Variants in TBL1XR1 observed in about 807,000 individuals in gnomAD.
TBL1XR1 encodes TBL1X/Y related 1.
Under a neutral mutation model 66.9 loss-of-function variants are expected in TBL1XR1, and 5 were observed. The ratio of observed to expected loss-of-function variants is 0.07; its 90% CI spans 0.04 to 0.16. The LOEUF is 0.16. TBL1XR1 is among the 10% of genes least tolerant of loss of function. The pLI, the probability that TBL1XR1 is intolerant of heterozygous loss-of-function variation, is 1.00. For missense variants in TBL1XR1, 238 were observed against 623.2 expected (o/e 0.38, Z 6.58); for synonymous variants, 210 against 206.0 (o/e 1.02, Z -0.17).
intron 2 of TBL1XR1, 133 bp from the exon 3 acceptor site, chr3:177,065,155 T>A: frequency 2.0e-6 from 1 of 499,056 alleles, no homozygotes; most frequent in Non-Finnish European, 3.3e-6. Context: ...TAATAAAACC[T>A]GACAAAGTTG....
Position 177,025,320 on chromosome 3 carries a change from C to T in TBL1XR1, c.*178G>A, listed in dbSNP as rs2108373479. 1 of 485,156 alleles carries T rather than the reference C, an allele frequency of 2.1e-6. No homozygotes were observed. The highest frequency in any genetic ancestry group is 4.0e-5 in the Admixed American group (1 of 25,030). 30.1% of individuals were successfully genotyped at this position (485,156 alleles called of 1,614,324 possible). The stretch of plus-strand genomic sequence containing the variant: ...ACAGAATTCACAAGCTGTGACAAAA[C>T]TCTGTCATCTTCAGGGTGCAATTTT... On this transcript the variant is annotated 3_prime_UTR_variant, in exon 16 of 16. Transcript: ENST00000457928.
At chr3:177,166,281 C>T (rs756259515) in intron 1 of TBL1XR1, among the ~76,000 whole-genome samples, 5 of 152,048 alleles carry the variant, frequency 3.3e-5, no homozygotes, top group African/African-American at 4.8e-5. Flanking sequence ...AGGAAAAATA[C>T]ATTAAAAACT....
At position 177,047,550 on chromosome 3, in the gene TBL1XR1, C is replaced by A; in HGVS notation, c.703-1G>T. The A allele has an allele frequency of 6.2e-7, 1 of 1,612,344 alleles. No individual in the cohort carries two copies. Among genetic ancestry groups the A allele is most frequent in the South Asian group, 1.1e-5 (1 of 90,902 alleles). On this transcript the variant is annotated splice_acceptor_variant, in intron 7 of 15. Coordinates refer to ENST00000457928, the MANE Select transcript of TBL1XR1 (RefSeq NM_024665.7). LOFTEE classifies it high-confidence loss of function. ...CAGTTGCTAGAAGTGTACCTTCACTCTGCCAGAGAAAAACATTTCTTTAAT... is the reference window on the plus strand; with the variant it reads ...CAGTTGCTAGAAGTGTACCTTCACTATGCCAGAGAAAAACATTTCTTTAAT...
At chr3:177,105,806 G>C (rs1424621337) in intron 1 of TBL1XR1, among the ~76,000 whole-genome samples, 1 of 152,096 alleles carries the variant, frequency 6.6e-6, no homozygotes, top group South Asian at 2.1e-4. Flanking sequence ...GTGTGTGCAT[G>C]TGTGTGATTC....
intron 1 of TBL1XR1, among the ~76,000 whole-genome samples, chr3:177,099,799 T>C (rs2108674226): frequency 6.6e-6 from 1 of 152,372 alleles, no homozygotes; most frequent in Non-Finnish European, 1.5e-5. Flanking sequence ...CAGTATAAAG[T>C]TTTTGTCACT....
At position 177,034,281 on chromosome 3, in the gene TBL1XR1, T is replaced by C; in HGVS notation, c.1167A>G (p.Ala389=). ...KQDNCVHDLQ[A]HNKEIYTIKW... ...TGATAGTATAAATTTCTTTATTATG[T>C]GCTTGCAAATCATGGACACAATTGT... The change falls in exon 13 of 16, where the codon GCA becomes GCG. Residue 389 remains alanine, a synonymous_variant. Coordinates refer to ENST00000457928, the MANE Select transcript of TBL1XR1 (RefSeq NM_024665.7). 2 of 1,597,656 alleles carry C rather than the reference T, an allele frequency of 1.3e-6. No individual in the cohort carries two copies. Among genetic ancestry groups the C allele is most frequent in the East Asian group, 4.5e-5 (2 of 44,598 alleles).
chr3:177,062,753 T>C (rs1718679316), intron 3 of TBL1XR1, among the ~76,000 whole-genome samples: 1 of 152,188 alleles, frequency 6.6e-6, no homozygotes, highest in Non-Finnish European at 1.5e-5. Flanking sequence ...CATACAAATT[T>C]TTTTTTAATT....
At chr3:177,071,031 G>GTTTTGTTTTTTTT (rs768177980) in intron 2 of TBL1XR1, among the ~76,000 whole-genome samples, 1 of 104,716 alleles carries the variant, frequency 9.5e-6, no homozygotes, top group African/African-American at 3.9e-5. Flanking sequence ...CTGAGAATCT[G>GTTTTGTTTTTTTT]TTTTTTTTTT....
intron 3 of TBL1XR1, among the ~76,000 whole-genome samples, chr3:177,063,575 A>G (rs1718783108): frequency 6.6e-6 from 1 of 152,238 alleles, no homozygotes; most frequent in South Asian, 2.1e-4. Context: ...ACTTTCAAAC[A>G]CAAGTATTTG....
intron 1 of TBL1XR1, among the ~76,000 whole-genome samples, chr3:177,168,679 T>A: frequency 6.6e-6 from 1 of 152,192 alleles, no homozygotes; most frequent in Admixed American, 6.5e-5. Context: ...ATAATGAACA[T>A]ACTGAACTTT....
rs2862702 is a variant in TBL1XR1 at position 177,184,873 on chromosome 3, T to A, written c.-122+12248A>T. ...AGTCATGAAACAGAAACAACACTTG[T>A]TAATCATACCACTACTCTAATTCTG... On this transcript the variant is annotated intron_variant, in intron 1 of 15. Coordinates refer to ENST00000457928, the MANE Select transcript of TBL1XR1 (RefSeq NM_024665.7). Among the ~76,000 whole-genome samples, 6,012 of 152,124 alleles carry A rather than the reference T, an allele frequency of 0.04. 749 individuals carry two copies. The East Asian group carries it at 0.49, about 12-fold the overall frequency.
intron 1 of TBL1XR1, among the ~76,000 whole-genome samples, chr3:177,135,360 TA>T (rs1728852351): frequency 3.2e-5 from 1 of 31,728 alleles, no homozygotes; most frequent in South Asian, 1.0e-3. Context: ...TATATATATA[TA>T]TATATATATA....
chr3:177,100,058 T>A (rs1216107504), intron 1 of TBL1XR1, among the ~76,000 whole-genome samples: 1 of 152,060 alleles, frequency 6.6e-6, no homozygotes, highest in Non-Finnish European at 1.5e-5. Flanking sequence ...GGCAGCATGG[T>A]GAAATCCCAT....
intron 2 of TBL1XR1, among the ~76,000 whole-genome samples, chr3:177,089,358 C>A (rs971989042): frequency 6.6e-6 from 1 of 152,104 alleles, no homozygotes; most frequent in South Asian, 2.1e-4. Flanking sequence ...CCCTGCCCTC[C>A]GCAAAGCCTA....
At chr3:177,041,563 T>C (rs1287922385) in intron 10 of TBL1XR1, among the ~76,000 whole-genome samples, 1 of 152,198 alleles carries the variant, frequency 6.6e-6, no homozygotes, top group Admixed American at 6.5e-5. Context: ...CTAAATCAAC[T>C]AGTAAACAAA....
At chr3:177,176,086 A>G (rs1734114827) in intron 1 of TBL1XR1, among the ~76,000 whole-genome samples, 1 of 151,144 alleles carries the variant, frequency 6.6e-6, no homozygotes, top group South Asian at 2.1e-4. Context: ...TAATTAAAAT[A>G]AACAAATAAA....
intron 3 of TBL1XR1, among the ~76,000 whole-genome samples, chr3:177,054,976 T>G (rs1717611245): frequency 6.6e-6 from 1 of 152,196 alleles, no homozygotes; most frequent in African/African-American, 2.4e-5. Context: ...TTTACTGAAA[T>G]ATTAATCACC....
At position 177,023,184 on chromosome 3, in the gene TBL1XR1, T is replaced by C. The variant is rs1427648713; in HGVS notation, c.*2314A>G. 7 of 152,474 alleles carry C rather than the reference T, an allele frequency of 4.6e-5. No homozygotes were observed. Among genetic ancestry groups the C allele is most frequent in the African/African-American group, 1.4e-4 (6 of 41,420 alleles). 9.4% of individuals were successfully genotyped at this position (152,474 alleles called of 1,614,324 possible). ...TCCATATCAAAATACAAAAGTACTA[T>C]CAATAATCACCTCTGACTTTCAGAT... is the stretch of plus-strand genomic sequence containing the variant. On this transcript the variant is annotated 3_prime_UTR_variant, in exon 16 of 16. Transcript: ENST00000457928.
At chr3:177,050,705 G>A (rs1716947910) in intron 5 of TBL1XR1, 95 bp from the exon 6 acceptor site, 11 of 1,364,338 alleles carry the variant, frequency 8.1e-6, no homozygotes, top group South Asian at 2.6e-5. Flanking sequence ...TTCCTTTATC[G>A]CACACAGTGT....
Sources: gnomAD v4.1 joint callset for allele counts (sites outside exome capture counted in the v4.1 genomes callset) on GRCh38, gnomAD v4.1.1 for gene constraint, MANE v1.5 for transcripts, NCBI Gene and HGNC (gene_info 2026-07-23, HGNC 2026-07-21) for gene names.